The following BABAM2 variants were observed in gnomAD, a reference collection of about 807,000 sequenced individuals.
The protein encoded by BABAM2 is BRISC and BRCA1 A complex member 2, also known as BRISC and BRCA1-A complex member 2.
In BABAM2, 31 loss-of-function variants were observed where a neutral mutation model predicts 54.7. The ratio of observed to expected loss-of-function variants is 0.57; its 90% CI spans 0.43 to 0.77. BABAM2 has a LOEUF of 0.77. BABAM2 is among the 30% of genes least tolerant of loss of function. The pLI, the probability that BABAM2 is intolerant of heterozygous loss-of-function variation, is 0.00. For synonymous variants in BABAM2, 167 were observed against 162.9 expected (o/e 1.03, Z -0.19); for missense variants, 364 against 455.8 (o/e 0.80, Z 1.83).
At chr2:28,090,178 A>C (rs1370191128) in intron 6 of BABAM2, among the ~76,000 whole-genome samples, 1 of 152,224 alleles carries the variant, frequency 6.6e-6, no homozygotes, top group Non-Finnish European at 1.5e-5. Flanking sequence ...TGACATAGCC[A>C]AATGACAGAG....
chr2:27,944,969 C>T (rs1265496006), intron 3 of BABAM2, among the ~76,000 whole-genome samples: 1 of 149,252 alleles, frequency 6.7e-6, no homozygotes. Flanking sequence ...TTCTTGCCAA[C>T]ATTAGTATTG....
At chr2:27,974,598 C>A (rs2148458814) in intron 3 of BABAM2, among the ~76,000 whole-genome samples, 1 of 152,070 alleles carries the variant, frequency 6.6e-6, no homozygotes, top group African/African-American at 2.4e-5. Context: ...AGGGAATTTC[C>A]TCAGCCTCAA....
At chr2:28,079,668 A>G (rs1393728930) in intron 6 of BABAM2, among the ~76,000 whole-genome samples, 2 of 152,094 alleles carry the variant, frequency 1.3e-5, no homozygotes, top group Non-Finnish European at 2.9e-5. Flanking sequence ...TTTTCATGGG[A>G]AATCCAGCCT....
At chr2:28,120,167 GACATTAAAAC>G (rs1204208078) in intron 6 of BABAM2, among the ~76,000 whole-genome samples, 3 of 152,106 alleles carry the variant, frequency 2.0e-5, no homozygotes, top group Admixed American at 6.5e-5. Flanking sequence ...TCTAAAAGTA[GACATTAAAAC>G]ACATAAAGCA....
chr2:28,333,412 C>T (rs1691135391), intron 11 of BABAM2, among the ~76,000 whole-genome samples: 1 of 152,128 alleles, frequency 6.6e-6, no homozygotes, highest in Non-Finnish European at 1.5e-5. Flanking sequence ...AGCTGAAGCC[C>T]AGAAGAGATT....
At chr2:28,144,400 G>A (rs1019721968) in intron 7 of BABAM2, among the ~76,000 whole-genome samples, 4 of 152,164 alleles carry the variant, frequency 2.6e-5, no homozygotes, top group African/African-American at 9.7e-5. Flanking sequence ...CATCTGAAGT[G>A]AGGGACTAAA....
At chr2:28,244,908 G>A (rs1456030151) in intron 10 of BABAM2, 46 bp downstream of exon 10, 5 of 1,535,024 alleles carry the variant, frequency 3.3e-6, no homozygotes, top group East Asian at 2.3e-5. Flanking sequence ...ATTTTTAAAT[G>A]TCCTAAACCA....
intron 7 of BABAM2, among the ~76,000 whole-genome samples, chr2:28,157,521 A>G (rs368398408): frequency 2.6e-5 from 4 of 152,362 alleles, no homozygotes; most frequent in African/African-American, 9.6e-5. Flanking sequence ...ACAAAGTCAA[A>G]TACAAAATAC....
chr2:27,970,299 T>C (rs1299340715), intron 3 of BABAM2, among the ~76,000 whole-genome samples: 1 of 152,194 alleles, frequency 6.6e-6, no homozygotes, highest in Non-Finnish European at 1.5e-5. Flanking sequence ...ATTTTTACTT[T>C]GTGTTATATT....
intron 2 of BABAM2, among the ~76,000 whole-genome samples, chr2:27,913,903 T>G (rs1300245684): frequency 6.6e-6 from 1 of 152,216 alleles, no homozygotes; most frequent in Non-Finnish European, 1.5e-5. Context: ...TGAAGATTTT[T>G]AATGACTATG....
chr2:27,958,006 G>GAT (rs1388746517), intron 3 of BABAM2, among the ~76,000 whole-genome samples: 2 of 152,110 alleles, frequency 1.3e-5, no homozygotes, highest in Admixed American at 1.3e-4. Flanking sequence ...TTTTTATCTT[G>GAT]GAGGTTTCCC....
Position 28,085,598 on chromosome 2 carries a change from T to TAGACTAA in BABAM2, c.570+39799_570+39800insAGACTAA, listed in dbSNP as rs1665564315. 2.6e-5 allele frequency among the ~76,000 whole-genome samples: 4 copies of TAGACTAA among 152,196 alleles called. No individual in the cohort carries two copies. The South Asian group carries it at 8.3e-4, about 31-fold the overall frequency. ...GTCAAAGTAATGAATATTTAACATATTACTTGACTTATAGACTAATGACCT... is the reference window on the plus strand; with the variant it reads ...GTCAAAGTAATGAATATTTAACATATAGACTAATACTTGACTTATAGACTAATGACCT... On this transcript the variant is annotated intron_variant, in intron 6 of 11. Transcript: ENST00000379624.
chr2:28,254,506 C>G (rs376813610), intron 10 of BABAM2, among the ~76,000 whole-genome samples: 1 of 147,028 alleles, frequency 6.8e-6, no homozygotes, highest in East Asian at 1.9e-4. Context: ...GTCCTGAGAA[C>G]CTGTTAATTA....
At chr2:27,953,854 A>T (rs1456050006) in intron 3 of BABAM2, among the ~76,000 whole-genome samples, 1 of 152,184 alleles carries the variant, frequency 6.6e-6, no homozygotes, top group East Asian at 1.9e-4. Context: ...GTGGGATTTC[A>T]GATGAAGACC....
intron 7 of BABAM2, among the ~76,000 whole-genome samples, chr2:28,167,707 AAT>A (rs1226447053): frequency 2.0e-5 from 3 of 150,086 alleles, no homozygotes; most frequent in Non-Finnish European, 3.0e-5. Context: ...AAAATAAATA[AAT>A]AAATAAATAA....
chr2:27,940,522 A>C (rs189241498), intron 3 of BABAM2, among the ~76,000 whole-genome samples: 4 of 152,224 alleles, frequency 2.6e-5, no homozygotes, highest in Non-Finnish European at 5.9e-5. Flanking sequence ...ACAGAACTTA[A>C]TTCTGCCAGT....
At chr2:28,290,041 A>G (rs138476923) in intron 10 of BABAM2, among the ~76,000 whole-genome samples, 51 of 152,270 alleles carry the variant, frequency 3.3e-4, no homozygotes, top group African/African-American at 1.2e-3. Flanking sequence ...CCTAAATAGT[A>G]TGTAATGTGT....
At chr2:28,164,358 C>T (rs1402414630) in intron 7 of BABAM2, among the ~76,000 whole-genome samples, 1 of 152,108 alleles carries the variant, frequency 6.6e-6, no homozygotes, top group Non-Finnish European at 1.5e-5. Flanking sequence ...TGGAATAGGT[C>T]TCTCTTTCTG....
At chr2:28,309,194 C>T (rs1489951964) in intron 11 of BABAM2, 1 of 152,268 alleles carries the variant, frequency 6.6e-6, no homozygotes, top group Non-Finnish European at 1.5e-5. Context: ...GCCCCTGTTA[C>T]CTTGCCGCTG....
Sources: allele counts gnomAD v4.1 joint callset (sites outside exome capture counted in the v4.1 genomes callset), GRCh38; gene constraint gnomAD v4.1.1; transcripts MANE v1.5; gene names NCBI Gene and HGNC (gene_info 2026-07-23, HGNC 2026-07-21).